The following C6 variants were observed in gnomAD, a reference collection of about 807,000 sequenced individuals.
C6 encodes complement component C6.
C6 carries 101 observed loss-of-function variants against 112.9 expected under a neutral mutation model. That is an observed-to-expected ratio of 0.89 (90% confidence interval 0.76 to 1.06). The LOEUF (loss-of-function observed/expected upper bound fraction) is 1.06. Ranked by LOEUF, C6 falls within the 50% of genes least tolerant of loss-of-function variation. C6 has a pLI of 0.00. For missense variants in C6, 1,202 were observed against 1,104.6 expected (o/e 1.09, Z -1.25); for synonymous variants, 431 against 384.1 (o/e 1.12, Z -1.43).
intron 15 of C6, among the ~76,000 whole-genome samples, chr5:41,153,484 C>T (rs998222134): frequency 6.6e-6 from 1 of 152,098 alleles, no homozygotes; most frequent in African/African-American, 2.4e-5. Flanking sequence ...CTAGTGAAAC[C>T]AAGACACAAT....
In C6 at chr5:41,254,148, T is replaced by A. The variant is rs187172829; in HGVS notation, c.-21+7046A>T. ...CAGGCATGGTGGCTCACACCTATAA[T>A]CCCAGCACTTTGGGAGGCCGAGGTG... On this transcript the variant is annotated intron_variant, in intron 1 of 17. Coordinates refer to the C6 transcript ENST00000263413. Among the ~76,000 whole-genome samples the A allele has an allele frequency of 2.5e-3, 381 of 152,314 alleles. 2 individuals are homozygous for A. Among genetic ancestry groups the A allele is most frequent in the Non-Finnish European group, 4.4e-3 (298 of 68,022 alleles).
At chr5:41,226,369 C>T (rs1739501934) in intron 1 of C6, among the ~76,000 whole-genome samples, 1 of 152,108 alleles carries the variant, frequency 6.6e-6, no homozygotes, top group Non-Finnish European at 1.5e-5. Context: ...TCATCACTGG[C>T]CATCAGAGAA....
chr5:41,248,391 A>G (rs911907511), intron 1 of C6, among the ~76,000 whole-genome samples: 1 of 152,238 alleles, frequency 6.6e-6, no homozygotes, highest in Non-Finnish European at 1.5e-5. Context: ...CAGATAATCT[A>G]CAGAATGGGA....
At chr5:41,143,563 T>A in intron 17 of C6, among the ~76,000 whole-genome samples, 1 of 152,354 alleles carries the variant, frequency 6.6e-6, no homozygotes, top group East Asian at 1.9e-4. Flanking sequence ...CATGCTTTAT[T>A]TTTTTGAACC....
intron 5 of C6, among the ~76,000 whole-genome samples, chr5:41,189,634 C>A (rs1354920987): frequency 2.0e-5 from 3 of 151,944 alleles, no homozygotes; most frequent in Admixed American, 2.0e-4. Flanking sequence ...TCAAAATTTT[C>A]TCTTCTCGGT....
intron 8 of C6, 104 bp from the exon 9 acceptor site, chr5:41,172,451 A>G (rs982139576): frequency 5.8e-5 from 64 of 1,110,022 alleles, no homozygotes; most frequent in Non-Finnish European, 7.4e-5. Flanking sequence ...ACTTTATATT[A>G]GCCCCTCTCT....
At chr5:41,239,319 C>T (rs997843351) in intron 1 of C6, among the ~76,000 whole-genome samples, 2 of 151,830 alleles carry the variant, frequency 1.3e-5, no homozygotes, top group African/African-American at 4.8e-5. Flanking sequence ...GCCATGTTGG[C>T]CATCCTGGTC....
In C6 at chr5:41,243,923, T is replaced by C. The variant is rs555515690; in HGVS notation, c.-21+17271A>G. Among the ~76,000 whole-genome samples, 12 of 152,312 alleles carry C rather than the reference T, an allele frequency of 7.9e-5. No individual in the cohort carries two copies. The South Asian group carries it at 1.9e-3, about 24-fold the overall frequency. On this transcript the variant is annotated intron_variant, in intron 1 of 17. Transcript: ENST00000263413. ...ATTGTCTTCTAAATGTGGAATTAAG[T>C]CACATTTGCCTACACTAAAAACCAA...
intron 17 of C6, among the ~76,000 whole-genome samples, chr5:41,147,835 G>A (rs1010757970): frequency 2.0e-5 from 3 of 152,130 alleles, no homozygotes; most frequent in Non-Finnish European, 4.4e-5. Context: ...CTGCTGTGAA[G>A]TCCCTGCCTC....
intron 1 of C6, among the ~76,000 whole-genome samples, chr5:41,219,131 C>T (rs1265979901): frequency 6.6e-6 from 1 of 152,024 alleles, no homozygotes; most frequent in Non-Finnish European, 1.5e-5. Flanking sequence ...CTGGCTGATG[C>T]CAGCCCTGAG....
intron 1 of C6, among the ~76,000 whole-genome samples, chr5:41,259,204 A>G (rs1266555434): frequency 1.3e-5 from 2 of 152,240 alleles, no homozygotes; most frequent in Non-Finnish European, 1.5e-5. Flanking sequence ...TTCAAATTCA[A>G]AATGATTAAA....
At chr5:41,172,633 G>T (rs1051490204) in intron 8 of C6, 25 of 491,030 alleles carry the variant, frequency 5.1e-5, no homozygotes, top group African/African-American at 4.1e-4. Flanking sequence ...TTCCCATGGG[G>T]ATGGTGATGT....
rs1292427563 is a variant in C6 at position 41,201,609 on chromosome 5, G to A, written c.249C>T (p.Leu83=). Residue 83 remains leucine (L), a synonymous_variant, in exon 3 of 18, where the codon CTC becomes CTT. Transcript: ENST00000337836. ...CNWQRCPINC[L]LGDFGPWSDC... is the part of the protein sequence containing the mutation. ...CTGACCATGGTCCAAAATCTCCCAG[G>A]AGGCAGTTGATGGGGCATCTTTGCC... 6.2e-7 allele frequency: 1 copy of A among 1,613,646 alleles called. No individual in the cohort carries two copies. Among genetic ancestry groups the A allele is most frequent in the Non-Finnish European group, 8.5e-7 (1 of 1,179,908 alleles).
intron 1 of C6, among the ~76,000 whole-genome samples, chr5:41,247,352 A>G (rs954913562): frequency 4.6e-5 from 7 of 152,220 alleles, no homozygotes; most frequent in African/African-American, 1.7e-4. Context: ...TACAAAACTA[A>G]TGTACAAAAA....
intron 1 of C6, among the ~76,000 whole-genome samples, chr5:41,245,125 TC>T (rs1355259227): frequency 1.3e-5 from 2 of 152,216 alleles, no homozygotes; most frequent in Non-Finnish European, 2.9e-5. Flanking sequence ...CAGTATCTTG[TC>T]TCATGTTGGT....
At chr5:41,172,411 T>C (rs1331547020) in intron 8 of C6, 64 bp from the exon 9 acceptor site, 2 of 1,516,900 alleles carry the variant, frequency 1.3e-6, no homozygotes. Flanking sequence ...AAGAGGAACA[T>C]GGTGCTCTGG....
intron 1 of C6, among the ~76,000 whole-genome samples, chr5:41,227,535 C>T (rs1381663452): frequency 6.6e-6 from 1 of 152,004 alleles, no homozygotes; most frequent in African/African-American, 2.4e-5. Context: ...TTGCCCAGAC[C>T]AGTGTCATGG....
intron 1 of C6, among the ~76,000 whole-genome samples, chr5:41,209,639 C>T (rs971910755): frequency 9.2e-5 from 14 of 152,206 alleles, no homozygotes; most frequent in African/African-American, 3.4e-4. Context: ...GAATGAAATA[C>T]CTAGGAATCC....
intron 1 of C6, among the ~76,000 whole-genome samples, chr5:41,210,566 C>T (rs1291112134): frequency 1.3e-5 from 2 of 152,092 alleles, no homozygotes; most frequent in African/African-American, 4.8e-5. Flanking sequence ...AGGATATGAA[C>T]AGACCCTTGA....
Sources: allele counts gnomAD v4.1 joint callset (sites outside exome capture counted in the v4.1 genomes callset), GRCh38; gene constraint gnomAD v4.1.1; transcripts MANE v1.5; gene names NCBI Gene and HGNC (gene_info 2026-07-23, HGNC 2026-07-21).